The following AKR1E2 variants were observed in gnomAD, a reference collection of about 807,000 sequenced individuals.
AKR1E2 encodes 1,5-anhydro-D-fructose reductase.
A neutral mutation model predicts 41.9 loss-of-function variants in AKR1E2; 43 were observed. That is an observed-to-expected ratio of 1.03 (90% CI 0.80 to 1.32). The LOEUF (loss-of-function observed/expected upper bound fraction) is 1.32. Ranked by LOEUF, AKR1E2 falls within the 40% of genes most tolerant of loss-of-function variation. The pLI is 0.00. For missense variants in AKR1E2, 423 were observed against 396.5 expected, an observed-to-expected ratio of 1.07 and a Z score of -0.57; for synonymous variants, 121 against 138.9, an observed-to-expected ratio of 0.87 and a Z score of 0.91.
chr10:4,861,028 C>T, the AKR1E2 span, among the ~76,000 whole-genome samples: 51 of 152,258 alleles, frequency 3.3e-4, no homozygotes, highest in African/African-American at 1.2e-3. Context: ...TTGACCAGTA[C>T]ATTATAATCT....
At chr10:4,841,903 C>T (rs894989663) in intron 7 of AKR1E2, 46 bp downstream of exon 7, 3 of 1,571,890 alleles carry the variant, frequency 1.9e-6, no homozygotes, top group East Asian at 2.3e-5. Context: ...TCTCTGACCG[C>T]TCTACATCCT....
At chr10:4,867,228 T>C in the AKR1E2 span, among the ~76,000 whole-genome samples, 8 of 152,230 alleles carry the variant, frequency 5.3e-5, no homozygotes, top group Non-Finnish European at 1.2e-4. Flanking sequence ...GTCTCAGTCA[T>C]AATTTTGCAA....
chr10:4,826,342 C>G lies in AKR1E2; in HGVS notation c.18C>G (p.Ala6=), dbSNP rs1204303154. 9 of 1,234,834 alleles carry G rather than the reference C, an allele frequency of 7.3e-6. No homozygotes were observed. The East Asian group carries it at 1.3e-4, about 17-fold the overall frequency. 76.5% of individuals were successfully genotyped at this position (1,234,834 alleles called of 1,614,324 possible). The change falls in exon 1 of 10, where the codon GCC becomes GCG. Residue 6 remains alanine (A), a synonymous_variant. Coordinates refer to ENST00000298375, the MANE Select transcript of AKR1E2 (RefSeq NM_001040177.3). ...CGGCGGCCATGGGAGATATCCCAGC[C>G]GTGGGCCTCAGCTCCTGGAAGGTGA... MGDIP[A]VGLSSWKASP...
chr10:4,857,403 C>CCCA, the AKR1E2 span, among the ~76,000 whole-genome samples: 2 of 152,060 alleles, frequency 1.3e-5, no homozygotes, highest in African/African-American at 4.8e-5. Context: ...GTAGTACCCC[C>CCCA]CACACACACA....
At chr10:4,851,079 G>T (rs911982557), downstream of AKR1E2, among the ~76,000 whole-genome samples, 1 of 152,204 alleles carries the variant, frequency 6.6e-6, no homozygotes, top group East Asian at 1.9e-4. Context: ...AGTTGAAATG[G>T]GAGAGGCACG....
Position 4,841,775 on chromosome 10 carries a change from G to A in AKR1E2, c.681-10G>A. On this transcript the variant is annotated splice_polypyrimidine_tract_variant and intron_variant, in intron 6 of 9. Transcript: ENST00000298375. ...CTCCTGGCTCACTCCCCTGTACTGT[G>A]TCTCTCTAGTGAGGGGGTTGACCTG... The A allele has an allele frequency of 1.9e-6, 3 of 1,608,358 alleles. No individual in the cohort carries two copies. The highest frequency in any genetic ancestry group is 8.5e-7 in the Non-Finnish European group (1 of 1,176,884).
At chr10:4,872,797 T>C in the AKR1E2 span, among the ~76,000 whole-genome samples, 2 of 152,150 alleles carry the variant, frequency 1.3e-5, no homozygotes, top group East Asian at 3.8e-4. Flanking sequence ...GTGTGTAAGT[T>C]AGGGATATGT....
At position 4,842,420 on chromosome 10, in the gene AKR1E2, G is replaced by C. The variant is rs757922663; in HGVS notation, c.754-1G>C. 1 of 1,613,978 alleles carries C rather than the reference G, an allele frequency of 6.2e-7. No individual in the cohort carries two copies. The highest frequency in any genetic ancestry group is 1.1e-5 in the South Asian group (1 of 91,062). ...ATAGTAGACTTTTTGTTTCCTTGCA[G>C]ATTTTGATCCGATTTCAAATCCAGA... On this transcript the variant is annotated splice_acceptor_variant, in intron 7 of 9. Transcript: ENST00000298375. LOFTEE classifies it high-confidence loss of function.
downstream of AKR1E2, among the ~76,000 whole-genome samples, chr10:4,850,079 G>T (rs978507854): frequency 5.3e-5 from 8 of 152,166 alleles, no homozygotes; most frequent in Non-Finnish European, 1.0e-4. Flanking sequence ...TGATAACCCG[G>T]CCCCTCTTGT....
intron 2 of AKR1E2, among the ~76,000 whole-genome samples, chr10:4,832,127 C>T (rs1031152810): frequency 6.6e-6 from 1 of 152,070 alleles, no homozygotes; most frequent in Non-Finnish European, 1.5e-5. Flanking sequence ...AATGTAAGAC[C>T]ATGAGATCAG....
At chr10:4,842,691 G>A (rs1833985612) in intron 8 of AKR1E2, among the ~76,000 whole-genome samples, 187 bp downstream of exon 8, 1 of 152,166 alleles carries the variant, frequency 6.6e-6, no homozygotes, top group East Asian at 1.9e-4. Flanking sequence ...TTCCATCTTA[G>A]GGCCCTTTCT....
Position 4,845,677 on chromosome 10 carries a change from G to A in AKR1E2, c.838-1471G>A, listed in dbSNP as rs1834281398. The A allele has an allele frequency of 1.7e-5, 8 of 467,730 alleles. No individual in the cohort carries two copies. The Admixed American group carries it at 1.9e-4, about 11-fold the overall frequency. The allele number at this position is 467,730 out of a possible 1,614,324, so 29.0% of individuals were successfully genotyped here. A position where few individuals can be genotyped will look rare whatever the true frequency, so the allele number is the denominator to read the frequency against. The stretch of plus-strand genomic sequence containing the variant: ...CACATCGCCCCAGTTCTGCCCTTCT[G>A]CCGTCGTGGCTCTCAATGCCCGGGA... On this transcript the variant is annotated intron_variant, in intron 8 of 9. Coordinates refer to ENST00000298375, the MANE Select transcript of AKR1E2 (RefSeq NM_001040177.3).
At chr10:4,869,866 A>G in the AKR1E2 span, among the ~76,000 whole-genome samples, 3 of 152,052 alleles carry the variant, frequency 2.0e-5, no homozygotes, top group Non-Finnish European at 2.9e-5. Context: ...GTTGGATAAC[A>G]TACTCCGTAT....
At chr10:4,835,562 G>A (rs186271409) in intron 3 of AKR1E2, 113 bp from the exon 4 acceptor site, 42 of 1,361,200 alleles carry the variant, frequency 3.1e-5, no homozygotes, top group Non-Finnish European at 4.1e-5. Context: ...CACATGGCCA[G>A]GCTGGGGTTG....
downstream of AKR1E2, among the ~76,000 whole-genome samples, chr10:4,848,376 C>T (rs1017206822): frequency 3.3e-5 from 5 of 152,366 alleles, no homozygotes; most frequent in South Asian, 2.1e-4. Flanking sequence ...ATGGTGTTCA[C>T]GCCCAGGCGT....
At chr10:4,870,516 GC>G in the AKR1E2 span, among the ~76,000 whole-genome samples, 153 of 150,322 alleles carry the variant, frequency 1.0e-3, no homozygotes, top group African/African-American at 3.5e-3. Context: ...TTCTGCAAAT[GC>G]CTTGATGTCT....
At chr10:4,828,334 A>G (rs1832708925) in intron 1 of AKR1E2, among the ~76,000 whole-genome samples, 1 of 152,306 alleles carries the variant, frequency 6.6e-6, no homozygotes, top group South Asian at 2.1e-4. Context: ...GAGCGGTGAG[A>G]TGTCTGGAGA....
At chr10:4,827,333 T>G (rs1368859311) in intron 1 of AKR1E2, among the ~76,000 whole-genome samples, 1 of 151,696 alleles carries the variant, frequency 6.6e-6, no homozygotes, top group Non-Finnish European at 1.5e-5. Context: ...GTTTGAAATG[T>G]CTTGTTATTT....
At chr10:4,850,816 G>T (rs1013103489), downstream of AKR1E2, among the ~76,000 whole-genome samples, 2 of 152,204 alleles carry the variant, frequency 1.3e-5, no homozygotes, top group Non-Finnish European at 2.9e-5. Context: ...TCTTGGAACT[G>T]TGCATTTAGA....
Sources: allele counts gnomAD v4.1 joint callset (sites outside exome capture counted in the v4.1 genomes callset), GRCh38; gene constraint gnomAD v4.1.1; transcripts MANE v1.5; gene names NCBI Gene and HGNC (gene_info 2026-07-23, HGNC 2026-07-21).